The following KIAA1328 variants were observed in gnomAD, a reference collection of about 807,000 sequenced individuals.
KIAA1328 encodes the protein protein hinderin.
A neutral mutation model predicts 68.1 loss-of-function variants in KIAA1328; 52 were observed. The observed-to-expected ratio is 0.76, with a 90% CI of 0.61 to 0.96. The LOEUF (loss-of-function observed/expected upper bound fraction) is 0.96. KIAA1328 is among the 40% of genes least tolerant of loss of function. The probability of loss-of-function intolerance (pLI) is 0.00; values close to 1 mark genes in which losing one functional copy is unlikely to be tolerated. For synonymous variants in KIAA1328, 232 were observed against 239.4 expected (o/e 0.97, Z 0.28); for missense variants, 641 against 677.6 (o/e 0.95, Z 0.60).
chr18:37,115,628 C>G (rs2058083815), intron 7 of KIAA1328, among the ~76,000 whole-genome samples: 1 of 152,210 alleles, frequency 6.6e-6, no homozygotes, highest in Non-Finnish European at 1.5e-5. Context: ...CCTCTCTCAC[C>G]ACTCCTGTTC....
intron 6 of KIAA1328, among the ~76,000 whole-genome samples, chr18:37,003,925 A>G (rs974688456): frequency 1.3e-5 from 2 of 151,950 alleles, no homozygotes; most frequent in African/African-American, 4.8e-5. Context: ...TGCGTTCTCC[A>G]TTCTGTTCCA....
At position 36,835,394 on chromosome 18, in the gene KIAA1328, C is replaced by CT. The variant is rs771760457; in HGVS notation, c.237+27dup. 4.4e-4 allele frequency: 685 copies of CT among 1,571,248 alleles called. No homozygotes were observed. Among genetic ancestry groups the CT allele is most frequent in the Admixed American group, 8.8e-4 (49 of 55,912 alleles). On this transcript the variant is annotated intron_variant, in intron 3 of 9. Coordinates refer to ENST00000280020, the MANE Select transcript of KIAA1328 (RefSeq NM_020776.3). The stretch of plus-strand genomic sequence containing the variant: ...ATGAACAGGTTAGTATTTTTTTCGT[C>CT]TTTTTTTTTCCTTGCTCTCCAGTCT...
intron 6 of KIAA1328, among the ~76,000 whole-genome samples, chr18:36,995,857 C>T (rs1381967136): frequency 6.6e-6 from 1 of 152,166 alleles, no homozygotes; most frequent in Non-Finnish European, 1.5e-5. Context: ...TTGCATTTTT[C>T]CGGTTTCCCT....
chr18:37,137,890 G>A (rs1052425160), intron 7 of KIAA1328, among the ~76,000 whole-genome samples: 1 of 151,972 alleles, frequency 6.6e-6, no homozygotes, highest in Non-Finnish European at 1.5e-5. Context: ...TTATAACTGT[G>A]TGATAATATA....
At chr18:36,982,985 T>G (rs1187603361) in intron 6 of KIAA1328, among the ~76,000 whole-genome samples, 1 of 151,862 alleles carries the variant, frequency 6.6e-6, no homozygotes, top group Admixed American at 6.6e-5. Context: ...ATAACAAGAT[T>G]GTAACAAATA....
chr18:36,998,205 TA>T (rs908655747), intron 6 of KIAA1328, among the ~76,000 whole-genome samples: 7 of 152,188 alleles, frequency 4.6e-5, no homozygotes, highest in Non-Finnish European at 7.4e-5. Context: ...TCCACCACCT[TA>T]GGCAGCCAAG....
intron 5 of KIAA1328, among the ~76,000 whole-genome samples, chr18:36,897,819 A>G (rs2048913204): frequency 6.6e-6 from 1 of 152,078 alleles, no homozygotes; most frequent in South Asian, 2.1e-4. Flanking sequence ...TATTCTTTGT[A>G]TAACGTTATA....
At chr18:36,855,098 A>G (rs1345200839) in intron 4 of KIAA1328, among the ~76,000 whole-genome samples, 1 of 152,072 alleles carries the variant, frequency 6.6e-6, no homozygotes, top group Non-Finnish European at 1.5e-5. Context: ...ACTATTGTGT[A>G]TGGTGCTGTT....
chr18:36,987,361 G>A (rs1298512299), intron 6 of KIAA1328, among the ~76,000 whole-genome samples: 6 of 147,720 alleles, frequency 4.1e-5, no homozygotes, highest in African/African-American at 1.5e-4. Context: ...GGGAGGGGTA[G>A]CATTGGGAGA....
chr18:37,085,420 T>G (rs1238384750), intron 7 of KIAA1328, among the ~76,000 whole-genome samples: 3 of 152,148 alleles, frequency 2.0e-5, no homozygotes, highest in Admixed American at 2.0e-4. Context: ...TCCTTCTTAT[T>G]TTTGTGCTAC....
intron 6 of KIAA1328, among the ~76,000 whole-genome samples, chr18:36,967,800 G>A (rs576874241): frequency 2.6e-5 from 4 of 152,190 alleles, no homozygotes; most frequent in African/African-American, 9.6e-5. Flanking sequence ...CCTGTGGAGT[G>A]GGTGAGTTGA....
In KIAA1328 at chr18:36,905,776, G is replaced by C. The variant is rs2049197859; in HGVS notation, c.448+20104G>C. ...TGCTGACAAGTGCTCACATTATCAT[G>C]ATGGCAGATGGAGATTGATGACCAG... On this transcript the variant is annotated intron_variant, in intron 5 of 9. Coordinates refer to ENST00000280020, the MANE Select transcript of KIAA1328 (RefSeq NM_020776.3). Among the ~76,000 whole-genome samples the C allele has an allele frequency of 1.3e-5, 2 of 152,110 alleles. 1 individual carries two copies. Among genetic ancestry groups the C allele is most frequent in the South Asian group, 4.1e-4 (2 of 4,826 alleles).
At chr18:37,063,372 G>A (rs932169316) in intron 6 of KIAA1328, among the ~76,000 whole-genome samples, 1 of 151,970 alleles carries the variant, frequency 6.6e-6, no homozygotes, top group Non-Finnish European at 1.5e-5. Context: ...TCTTTTAAAG[G>A]GCTTACCTGA....
intron 7 of KIAA1328, among the ~76,000 whole-genome samples, chr18:37,149,182 C>T (rs2058973240): frequency 6.6e-6 from 1 of 152,060 alleles, no homozygotes; most frequent in Admixed American, 6.5e-5. Context: ...GCTACAGTAA[C>T]TAAAACAGCA....
intron 4 of KIAA1328, among the ~76,000 whole-genome samples, chr18:36,856,822 G>C (rs2047398614): frequency 6.6e-6 from 1 of 152,098 alleles, no homozygotes; most frequent in African/African-American, 2.4e-5. Flanking sequence ...CAGCTTCCCA[G>C]AGTTTGCTGT....
chr18:37,041,246 A>G (rs182810119), intron 6 of KIAA1328, among the ~76,000 whole-genome samples: 4 of 152,032 alleles, frequency 2.6e-5, no homozygotes, highest in South Asian at 2.1e-4. Context: ...ACTTACATAT[A>G]TTTATAATTA....
At position 36,910,578 on chromosome 18, in the gene KIAA1328, T is replaced by G. The variant is rs965653333; in HGVS notation, c.448+24906T>G. On this transcript the variant is annotated intron_variant, in intron 5 of 9. Coordinates refer to ENST00000280020, the MANE Select transcript of KIAA1328 (RefSeq NM_020776.3). ...CGTGATGCCTCCAGCTTTGTTCTTT[T>G]TGCTTAAGATTGTCTTGGCAATGTG... Among the ~76,000 whole-genome samples the G allele has an allele frequency of 2.6e-5, 4 of 152,212 alleles. No individual in the cohort carries two copies. The South Asian group carries it at 6.2e-4, about 24-fold the overall frequency.
chr18:37,126,930 T>C (rs774699787), intron 7 of KIAA1328, among the ~76,000 whole-genome samples: 29 of 152,192 alleles, frequency 1.9e-4, no homozygotes, highest in African/African-American at 7.0e-4. Flanking sequence ...AGAAGGGAAC[T>C]TCCTCAACTT....
chr18:36,884,661 G>A (rs1187719958), intron 4 of KIAA1328, among the ~76,000 whole-genome samples: 3 of 152,152 alleles, frequency 2.0e-5, no homozygotes, highest in Non-Finnish European at 4.4e-5. Flanking sequence ...TTCCCTGTGG[G>A]TTTCACTTAC....
Sources: gnomAD v4.1 joint callset for allele counts (sites outside exome capture counted in the v4.1 genomes callset) on GRCh38, gnomAD v4.1.1 for gene constraint, MANE v1.5 for transcripts, NCBI Gene and HGNC (gene_info 2026-07-23, HGNC 2026-07-21) for gene names.